Variants in GRM8 observed in about 807,000 individuals in gnomAD.
The protein encoded by GRM8 is glutamate metabotropic receptor 8.
A neutral mutation model predicts 87.2 loss-of-function variants in GRM8; 47 were observed. That is an observed-to-expected ratio of 0.54 (90% CI 0.43 to 0.69). The LOEUF (loss-of-function observed/expected upper bound fraction) is 0.69, where lower values mean the gene tolerates loss of function less well. GRM8 is among the 30% of genes least tolerant of loss of function. The probability of loss-of-function intolerance (pLI) is 0.00; values close to 1 mark genes in which losing one functional copy is unlikely to be tolerated. For synonymous variants in GRM8, 396 were observed against 404.5 expected (o/e 0.98, Z 0.25); for missense variants, 1,019 against 1,139.2 (o/e 0.89, Z 1.52).
At chr7:126,746,765 A>G (rs1302884282) in intron 7 of GRM8, among the ~76,000 whole-genome samples, 1 of 151,742 alleles carries the variant, frequency 6.6e-6, no homozygotes, top group Non-Finnish European at 1.5e-5. Context: ...TAAATATTAA[A>G]TTTAAATTTT....
intron 2 of GRM8, among the ~76,000 whole-genome samples, chr7:127,127,882 T>C (rs761792105): frequency 5.9e-5 from 9 of 152,094 alleles, no homozygotes; most frequent in Non-Finnish European, 1.2e-4. Context: ...TTATTTGAAA[T>C]CTTGGTATAA....
At chr7:127,197,959 T>C (rs1795379300) in intron 2 of GRM8, among the ~76,000 whole-genome samples, 1 of 152,142 alleles carries the variant, frequency 6.6e-6, no homozygotes, top group Non-Finnish European at 1.5e-5. Context: ...TCATACTCTA[T>C]GTCTTTTGCT....
At chr7:126,788,251 A>C (rs1820841857) in intron 6 of GRM8, among the ~76,000 whole-genome samples, 1 of 151,642 alleles carries the variant, frequency 6.6e-6, no homozygotes, top group African/African-American at 2.4e-5. Context: ...CTCTAATAAA[A>C]ATACAAAAAT....
chr7:126,958,346 C>A (rs544871735), intron 3 of GRM8, among the ~76,000 whole-genome samples: 5 of 152,172 alleles, frequency 3.3e-5, no homozygotes, highest in Non-Finnish European at 5.9e-5. Context: ...CCTAGGGGCT[C>A]CCTGAGCCAG....
chr7:126,757,785 G>C (rs1338475135), intron 7 of GRM8, among the ~76,000 whole-genome samples: 1 of 152,104 alleles, frequency 6.6e-6, no homozygotes, highest in Non-Finnish European at 1.5e-5. Context: ...TCTTAAGCTA[G>C]GAGGTGTATT....
chr7:126,880,887 A>G (rs1432832790), intron 6 of GRM8, among the ~76,000 whole-genome samples: 1 of 152,062 alleles, frequency 6.6e-6, no homozygotes, highest in Non-Finnish European at 1.5e-5. Flanking sequence ...AACCTATCAC[A>G]ATTCTCTAAT....
At chr7:126,965,543 ATTAT>A (rs1809763953) in intron 3 of GRM8, among the ~76,000 whole-genome samples, 1 of 152,106 alleles carries the variant, frequency 6.6e-6, no homozygotes, top group Non-Finnish European at 1.5e-5. Flanking sequence ...AGTTTTCATT[ATTAT>A]TTAAATTTTT....
intron 6 of GRM8, among the ~76,000 whole-genome samples, chr7:126,843,907 T>C (rs1014748316): frequency 5.3e-5 from 8 of 152,204 alleles, no homozygotes; most frequent in African/African-American, 1.2e-4. Context: ...TTCTCATCTA[T>C]TATTGATCAG....
intron 8 of GRM8, 148 bp from the exon 9 acceptor site, chr7:126,534,035 T>G: frequency 1.3e-5 from 8 of 631,084 alleles, no homozygotes; most frequent in Middle Eastern, 4.1e-4. Flanking sequence ...TCCCCTGATA[T>G]TGACTTTATG....
intron 6 of GRM8, among the ~76,000 whole-genome samples, chr7:126,849,115 C>G (rs1243352213): frequency 6.6e-6 from 1 of 152,032 alleles, no homozygotes; most frequent in Non-Finnish European, 1.5e-5. Flanking sequence ...CAGGTCACTC[C>G]CACAACACAT....
chr7:126,892,931 T>A (rs1036297205), intron 6 of GRM8, among the ~76,000 whole-genome samples: 12 of 152,274 alleles, frequency 7.9e-5, no homozygotes, highest in Admixed American at 7.9e-4. Flanking sequence ...TGCATAAATG[T>A]CTTCTTTTGA....
intron 3 of GRM8, among the ~76,000 whole-genome samples, chr7:127,060,437 G>A (rs1048693762): frequency 6.6e-6 from 1 of 152,010 alleles, no homozygotes; most frequent in Non-Finnish European, 1.5e-5. Flanking sequence ...GAGAGAAAAA[G>A]TTTTCAAATA....
At chr7:126,865,275 T>G (rs1409000875) in intron 6 of GRM8, among the ~76,000 whole-genome samples, 2 of 152,234 alleles carry the variant, frequency 1.3e-5, no homozygotes, top group East Asian at 1.9e-4. Flanking sequence ...CTTTTTCCAG[T>G]GTTTACATAA....
chr7:127,225,466 G>C (rs1021841462), intron 2 of GRM8, among the ~76,000 whole-genome samples: 1 of 146,528 alleles, frequency 6.8e-6, no homozygotes, highest in Admixed American at 6.8e-5. Context: ...GCTATGCTTT[G>C]TGTGCAACCT....
intron 8 of GRM8, among the ~76,000 whole-genome samples, chr7:126,591,754 G>A (rs913780277): frequency 6.6e-6 from 1 of 150,468 alleles, no homozygotes; most frequent in African/African-American, 2.4e-5. Context: ...CTCAAAGTTA[G>A]TAGAAGGAAG....
chr7:126,828,149 T>G (rs1018220823), intron 6 of GRM8, among the ~76,000 whole-genome samples: 1 of 152,180 alleles, frequency 6.6e-6, no homozygotes, highest in African/African-American at 2.4e-5. Context: ...TCAATGTTCA[T>G]CAAGGATATT....
At chr7:126,863,260 TG>T (rs1798291629) in intron 6 of GRM8, among the ~76,000 whole-genome samples, 1 of 152,172 alleles carries the variant, frequency 6.6e-6, no homozygotes, top group Non-Finnish European at 1.5e-5. Context: ...ATGGGGAAGT[TG>T]GGGCTATTTT....
intron 9 of GRM8, among the ~76,000 whole-genome samples, chr7:126,463,607 T>G (rs1804149164): frequency 6.6e-6 from 1 of 151,664 alleles, no homozygotes; most frequent in Non-Finnish European, 1.5e-5. Context: ...GGCTTTTTAT[T>G]AAATTTTCAA....
intron 3 of GRM8, among the ~76,000 whole-genome samples, chr7:126,976,364 A>AG (rs1012094022): frequency 3.3e-5 from 5 of 152,164 alleles, no homozygotes; most frequent in Non-Finnish European, 7.4e-5. Flanking sequence ...GGGAGGCCGA[A>AG]GGGGGCGGAT....
Sources: allele counts gnomAD v4.1 joint callset (sites outside exome capture counted in the v4.1 genomes callset), GRCh38; gene constraint gnomAD v4.1.1; transcripts MANE v1.5; gene names NCBI Gene and HGNC (gene_info 2026-07-23, HGNC 2026-07-21).